Variants in ZNF605 observed in about 807,000 individuals in gnomAD.
The protein encoded by ZNF605 is zinc finger protein 605.
ZNF605 carries 9 observed loss-of-function variants against 7.9 expected under a neutral mutation model. The observed-to-expected ratio is 1.14, with a 90% CI of 0.68 to 1.98. The LOEUF (loss-of-function observed/expected upper bound fraction) is 1.98. ZNF605 is among the 30% of genes most tolerant of loss of function. The pLI is 0.00. For synonymous variants in ZNF605, 255 were observed against 260.1 expected, an observed-to-expected ratio of 0.98 and a Z score of 0.19; for missense variants, 673 against 762.4, an observed-to-expected ratio of 0.88 and a Z score of 1.38.
chr12:132,926,128 T>C lies in ZNF605; in HGVS notation c.1171A>G (p.Lys391Glu). The change falls in exon 5 of 5, where the codon AAG (lysine) becomes GAG (glutamate). Residue 391 changes from lysine (K) to glutamate (E), a missense_variant. Physicochemically the swap from Lys to Glu is moderately conservative, Grantham distance 56. Transcript: ENST00000360187. ...TCACAATCACTGCATCGATAGTTCT[T>C]CTCTCCTGTGTGAGTTATCTGATGT... ...IKHQITHTGE[K>E]NYRCSDCEEA... 6.2e-7 allele frequency: 1 copy of C among 1,614,248 alleles called. No homozygotes were observed. Among genetic ancestry groups the C allele is most frequent in the African/African-American group, 1.3e-5 (1 of 75,066 alleles).
At chr12:132,953,267 G>A (rs1311030017) in intron 1 of ZNF605, among the ~76,000 whole-genome samples, 1 of 152,114 alleles carries the variant, frequency 6.6e-6, no homozygotes, top group Non-Finnish European at 1.5e-5. Flanking sequence ...CCCCTCCAGG[G>A]CCTTCAGAGA....
In ZNF605 at chr12:132,925,767, C is replaced by T; in HGVS notation, c.1532G>A (p.Arg511Lys). ...CTGTGGCTTCCAGGCAAAAGCTTTC[C>T]TACATTCACTACATTCAAAGGGCTT... ...GEKPFECSECRKAFAWKPQLL... is the reference protein window; with the variant it reads ...GEKPFECSECKKAFAWKPQLL... Residue 511 changes from arginine to lysine, a missense_variant, in exon 5 of 5, where the codon AGG becomes AAG. By Grantham distance (26) the Arg-to-Lys change is conservative. Coordinates refer to ENST00000360187, the MANE Select transcript of ZNF605 (RefSeq NM_183238.4). The T allele has an allele frequency of 6.2e-7, 1 of 1,613,894 alleles. No homozygotes were observed. The highest frequency in any genetic ancestry group is 1.3e-5 in the African/African-American group (1 of 75,008).
chr12:132,936,395 C>A (rs1952367210), intron 3 of ZNF605, among the ~76,000 whole-genome samples: 1 of 152,072 alleles, frequency 6.6e-6, no homozygotes, highest in Non-Finnish European at 1.5e-5. Context: ...AAATATAAAG[C>A]AACCCCAGCT....
rs772192568 is a variant in ZNF605 at position 132,954,964 on chromosome 12, G to A, written c.-286+1279C>T. ...GCACAGAAACAAACCCCAGCCACTCGCCAGCATAGGCCACCCCATACTCGC... is the reference window on the plus strand; with the variant it reads ...GCACAGAAACAAACCCCAGCCACTCACCAGCATAGGCCACCCCATACTCGC... On this transcript the variant is annotated intron_variant, in intron 1 of 4. Transcript: ENST00000360187. Among the ~76,000 whole-genome samples the A allele has an allele frequency of 6.7e-3, 1,020 of 152,172 alleles. 7 individuals carry two copies. The highest frequency in any genetic ancestry group is 0.01 in the Non-Finnish European group (698 of 68,006).
intron 1 of ZNF605, among the ~76,000 whole-genome samples, chr12:132,955,199 C>A (rs1213543426): frequency 2.6e-5 from 4 of 151,926 alleles, no homozygotes; most frequent in African/African-American, 9.7e-5. Context: ...CTCTGCAAGG[C>A]AAAAAGGGTT....
chr12:132,945,734 C>T lies in ZNF605; in HGVS notation c.-99G>A. On this transcript the variant is annotated 5_prime_UTR_variant, in exon 3 of 5. Coordinates refer to ENST00000360187, the MANE Select transcript of ZNF605 (RefSeq NM_183238.4). ...AGTGGTCTGTAAACTGAGAATACAT[C>T]CTTGGTCTTGTGGGCTCTTCTTTCT... 1 of 1,558,874 alleles carries T rather than the reference C, an allele frequency of 6.4e-7. No individual in the cohort carries two copies. Among genetic ancestry groups the T allele is most frequent in the South Asian group, 1.1e-5 (1 of 89,908 alleles).
rs1161243897 is a variant in ZNF605, at chr12:132,929,705, G to C, written c.137-2543C>G. 2.0e-5 allele frequency among the ~76,000 whole-genome samples: 3 copies of C among 152,104 alleles called. 1 individual carries two copies. The highest frequency in any genetic ancestry group is 4.1e-4 in the South Asian group (2 of 4,830). On this transcript the variant is annotated intron_variant, in intron 4 of 4. Coordinates refer to ENST00000360187, the MANE Select transcript of ZNF605 (RefSeq NM_183238.4). ...CTCACGTCTGTAATCCCAGCACTTT[G>C]GGAGGCCGAGGCAGGCAGATCACGA...
At chr12:132,928,415 T>A (rs914353763) in intron 4 of ZNF605, among the ~76,000 whole-genome samples, 2 of 152,212 alleles carry the variant, frequency 1.3e-5, no homozygotes, top group Admixed American at 6.5e-5. Context: ...GAGCTCAGTA[T>A]CAACACTTTT....
chr12:132,954,298 A>G (rs1283837302), intron 1 of ZNF605, among the ~76,000 whole-genome samples: 2 of 142,416 alleles, frequency 1.4e-5, no homozygotes, highest in Admixed American at 1.4e-4. Flanking sequence ...TCTGAGTCCC[A>G]AAGGATCCCC....
At chr12:132,943,702 G>T (rs1952469400) in intron 3 of ZNF605, among the ~76,000 whole-genome samples, 1 of 151,978 alleles carries the variant, frequency 6.6e-6, no homozygotes, top group Non-Finnish European at 1.5e-5. Context: ...CCTACCCCAG[G>T]GTCCAAAAAA....
Position 132,945,800 on chromosome 12 carries a change from G to A in ZNF605, c.-162-3C>T. ...GTCTTGTTCCAGAGGGCTATTGCCT[G>A]TGGATGCAGTGGACATTTTATTTTA... is the stretch of plus-strand genomic sequence containing the variant. On this transcript the variant is annotated splice_polypyrimidine_tract_variant and splice_region_variant and intron_variant, in intron 2 of 4. Coordinates refer to ENST00000360187, the MANE Select transcript of ZNF605 (RefSeq NM_183238.4). 5 of 888,642 alleles carry A rather than the reference G, an allele frequency of 5.6e-6. No individual in the cohort carries two copies. Among genetic ancestry groups the A allele is most frequent in the South Asian group, 1.5e-5 (1 of 67,704 alleles). 55.0% of individuals were successfully genotyped at this position (888,642 alleles called of 1,614,324 possible). A position where few individuals can be genotyped will look rare whatever the true frequency, so the allele number is the denominator to read the frequency against.
intron 1 of ZNF605, among the ~76,000 whole-genome samples, chr12:132,953,008 G>A (rs1472323013): frequency 3.3e-5 from 5 of 152,050 alleles, no homozygotes; most frequent in Admixed American, 6.5e-5. Context: ...GCAGCTCCAA[G>A]CCCCTGCCAA....
intron 4 of ZNF605, among the ~76,000 whole-genome samples, chr12:132,927,818 G>C (rs1277847624): frequency 1.3e-5 from 2 of 151,256 alleles, no homozygotes; most frequent in Non-Finnish European, 2.9e-5. Context: ...CATCACACTT[G>C]GCTAATTTTT....
chr12:132,935,311 A>C (rs1200636650), intron 3 of ZNF605, among the ~76,000 whole-genome samples: 2 of 152,180 alleles, frequency 1.3e-5, no homozygotes, highest in African/African-American at 2.4e-5. Flanking sequence ...AAAGAAAATC[A>C]ATTTCTTGCC....
chr12:132,949,035 G>A (rs948949282), intron 1 of ZNF605, among the ~76,000 whole-genome samples: 1 of 152,120 alleles, frequency 6.6e-6, no homozygotes, highest in Non-Finnish European at 1.5e-5. Flanking sequence ...AAAGGCTTAT[G>A]GGGTGCCTGT....
At chr12:132,945,837 T>A in intron 2 of ZNF605, 40 bp from the exon 3 acceptor site, 2 of 721,840 alleles carry the variant, frequency 2.8e-6, no homozygotes, top group Non-Finnish European at 4.7e-6. Flanking sequence ...ATGATCTAAT[T>A]AATTTGGGAA....
At chr12:132,944,035 T>A (rs1361235598) in intron 3 of ZNF605, among the ~76,000 whole-genome samples, 1 of 152,220 alleles carries the variant, frequency 6.6e-6, no homozygotes, top group Admixed American at 6.5e-5. Context: ...TAATATTGAT[T>A]CTTATAAAAT....
chr12:132,938,427 A>T (rs1440445035), intron 3 of ZNF605, among the ~76,000 whole-genome samples: 1 of 151,906 alleles, frequency 6.6e-6, no homozygotes, highest in Non-Finnish European at 1.5e-5. Flanking sequence ...CAGCCTCCCG[A>T]GTAGCTGGGA....
Position 132,926,808 on chromosome 12 carries a change from G to C in ZNF605, c.491C>G (p.Thr164Arg). 1.9e-6 allele frequency: 3 copies of C among 1,614,144 alleles called. No individual in the cohort carries two copies. Among genetic ancestry groups the C allele is most frequent in the Non-Finnish European group, 2.5e-6 (3 of 1,180,024 alleles). The stretch of plus-strand genomic sequence containing the variant: ...CATGCATAAATAGACTCCTGTGTGT[G>C]TTATGTGATTAGCAGTGAGCCATGG... The part of the protein sequence containing the change: ...EEPWLTANHI[T>R]HTGVYLCMEC... The change falls in exon 5 of 5, where the codon ACA becomes AGA. Residue 164 changes from threonine (T) to arginine (R), a missense_variant. Transcript: ENST00000360187.
Sources: gnomAD v4.1 joint callset for allele counts (sites outside exome capture counted in the v4.1 genomes callset) on GRCh38, gnomAD v4.1.1 for gene constraint, MANE v1.5 for transcripts, NCBI Gene and HGNC (gene_info 2026-07-23, HGNC 2026-07-21) for gene names.